BRSK1: variants seen among roughly 807,000 people sequenced by gnomAD.
The protein encoded by BRSK1 is BR serine/threonine kinase 1, also known as serine/threonine-protein kinase BRSK1.
A neutral mutation model predicts 86.2 loss-of-function variants in BRSK1; 17 were observed. The ratio of observed to expected loss-of-function variants is 0.20; its 90% CI spans 0.14 to 0.30. The LOEUF is 0.30. Among genes scored for constraint, BRSK1 ranks in the 10% least tolerant of loss-of-function variants. The pLI is 1.00. For synonymous variants in BRSK1, 464 were observed against 440.1 expected, an observed-to-expected ratio of 1.05 and a Z score of -0.68; for missense variants, 719 against 1,071.9, an observed-to-expected ratio of 0.67 and a Z score of 4.60.
Position 55,306,242 on chromosome 19 carries a change from C to T in BRSK1, c.1891-10C>T, listed in dbSNP as rs751417525. On this transcript the variant is annotated splice_polypyrimidine_tract_variant and intron_variant, in intron 16 of 18. Transcript: ENST00000309383. This position sits in a 1 kb window ranked among gnomAD's most constrained non-coding sequence, Gnocchi z 4.7. ...GGGCTCACCCCTTCCTGTGTTCCTA[C>T]CTCGCTCAGATCCCCAGCCTGAGTC... is the stretch of plus-strand genomic sequence containing the variant. 2.5e-5 allele frequency: 41 copies of T among 1,613,790 alleles called. No individual in the cohort carries two copies. The highest frequency in any genetic ancestry group is 3.5e-5 in the Non-Finnish European group (41 of 1,179,998).
At chr19:55,299,395 G>GT (rs199632774) in intron 7 of BRSK1, among the ~76,000 whole-genome samples, 2,689 of 145,226 alleles carry the variant, frequency 0.019, 53 homozygotes, top group African/African-American at 0.057. Context: ...TTTGTTTTTT[G>GT]TTTTTTTTGA....
chr19:55,308,613 G>A, intron 17 of BRSK1, 26 bp from the exon 18 acceptor site: 1 of 1,600,626 alleles, frequency 6.2e-7, no homozygotes, highest in African/African-American at 1.3e-5. Context: ...CCCAGTCAGT[G>A]TTTTTCTGCC....
At chr19:55,291,161 T>C (rs2088399753) in intron 4 of BRSK1, among the ~76,000 whole-genome samples, 1 of 152,126 alleles carries the variant, frequency 6.6e-6, no homozygotes, top group Non-Finnish European at 1.5e-5. Flanking sequence ...TGAGACAGGG[T>C]CTTGCTATGT....
chr19:55,296,804 T>C (rs189196175), intron 7 of BRSK1, among the ~76,000 whole-genome samples: 5,753 of 151,560 alleles, frequency 0.038, 353 homozygotes, highest in African/African-American at 0.13. Flanking sequence ...GCCGAGATCA[T>C]GCCACTGCAC....
chr19:55,305,698 A>C, intron 16 of BRSK1, 112 bp downstream of exon 16: 1 of 1,504,684 alleles, frequency 6.6e-7, no homozygotes. Flanking sequence ...GGCTCATGGG[A>C]TTTGTAGTTT....
At position 55,284,079 on chromosome 19, in the gene BRSK1, CGCGTGGGGGG is replaced by C; in HGVS notation, c.-360_-351del. The C allele has an allele frequency of 1.7e-6, 1 of 574,350 alleles. No individual in the cohort carries two copies. Among genetic ancestry groups the C allele is most frequent in the Non-Finnish European group, 2.5e-6 (1 of 405,306 alleles). 35.6% of individuals were successfully genotyped at this position (574,350 alleles called of 1,614,324 possible). On this transcript the variant is annotated 5_prime_UTR_variant, in exon 1 of 19. It removes the in-frame stop codon of an upstream open reading frame in the 5' UTR. Transcript: ENST00000309383. Reference sequence around the variant, plus strand: ...GGAGGAGGAGGCGGAGGAGAGAGGGCGCGTGGGGGGGCGGGGGGGACCTCGGCCTGCAGCA... The same window carrying C: ...GGAGGAGGAGGCGGAGGAGAGAGGGCGCGGGGGGGACCTCGGCCTGCAGCA...
At position 55,305,499 on chromosome 19, in the gene BRSK1, C is replaced by G. The variant is rs1327913925; in HGVS notation, c.1803C>G (p.Ser601=). 1 of 1,614,086 alleles carries G rather than the reference C, an allele frequency of 6.2e-7. No individual in the cohort carries two copies. Among genetic ancestry groups the G allele is most frequent in the Non-Finnish European group, 8.5e-7 (1 of 1,180,032 alleles). ...GCTCCTGGTTCGGGAACTTCATCTC[C>G]TTGGACAAAGAAGAACAAATATTCC... The part of the protein sequence containing the change: ...AKRSWFGNFI[S]LDKEEQIFLV... Residue 601 remains serine (S), a synonymous_variant, in exon 16 of 19, where the codon TCC becomes TCG. Coordinates refer to ENST00000309383, the MANE Select transcript of BRSK1 (RefSeq NM_032430.2).
Position 55,284,051 on chromosome 19 carries a change from A to AGAG in BRSK1, c.-381_-379dup. The AGAG allele has an allele frequency of 3.5e-6, 4 of 1,128,688 alleles. No homozygotes were observed. Among genetic ancestry groups the AGAG allele is most frequent in the South Asian group, 8.7e-5 (2 of 23,002 alleles). 69.9% of individuals were successfully genotyped at this position (1,128,688 alleles called of 1,614,324 possible). ...AGGACGAGGTGGCGGGGGGAGGCGGAGAGGAGGAGGAGGCGGAGGAGAGAG... is the reference window on the plus strand; with the variant it reads ...AGGACGAGGTGGCGGGGGGAGGCGGAGAGGAGGAGGAGGAGGCGGAGGAGAGAG... On this transcript the variant is annotated 5_prime_UTR_variant, in exon 1 of 19. Transcript: ENST00000309383.
chr19:55,305,733 G>C, intron 16 of BRSK1, 147 bp downstream of exon 16: 1 of 1,273,742 alleles, frequency 7.9e-7, no homozygotes, highest in Non-Finnish European at 1.1e-6. Context: ...GTTAGAAGTC[G>C]GTAGGCAGGA....
Position 55,305,602 on chromosome 19 carries a change from C to T in BRSK1, c.1890+16C>T, listed in dbSNP as rs543781876. 1.2e-6 allele frequency: 2 copies of T among 1,613,714 alleles called. No homozygotes were observed. The highest frequency in any genetic ancestry group is 1.1e-5 in the South Asian group (1 of 91,052). On this transcript the variant is annotated intron_variant, in intron 16 of 18. Coordinates refer to ENST00000309383, the MANE Select transcript of BRSK1 (RefSeq NM_032430.2). Reference sequence around the variant, plus strand: ...CTTTCTGTCGGTGAGGGGCCTGGGTCCCCATCGAGCCTGGCCCCCGCAGAA... The same window carrying T: ...CTTTCTGTCGGTGAGGGGCCTGGGTTCCCATCGAGCCTGGCCCCCGCAGAA...
chr19:55,309,185 C>G (rs556283939), intron 18 of BRSK1, among the ~76,000 whole-genome samples: 5 of 152,200 alleles, frequency 3.3e-5, no homozygotes, highest in African/African-American at 1.2e-4. Context: ...AAACCCAGGA[C>G]AAATTGGTCA....
chr19:55,305,624 A>G, intron 16 of BRSK1, 38 bp downstream of exon 16: 2 of 1,612,952 alleles, frequency 1.2e-6, no homozygotes, highest in Non-Finnish European at 1.7e-6. Context: ...TGGCCCCCGC[A>G]GAACTACAAG....
chr19:55,302,045 C>T lies in BRSK1; in HGVS notation c.826-92C>T, dbSNP rs2088578788. The T allele has an allele frequency of 3.5e-6, 5 of 1,433,522 alleles. No homozygotes were observed. In the Admixed American group the frequency reaches 5.0e-5, roughly 14 times the overall value. 88.8% of individuals were successfully genotyped at this position (1,433,522 alleles called of 1,614,324 possible). Reference sequence around the variant, plus strand: ...CCGGTGGGGTGGGCGGGGAGATGATCAGGGACCCCAAAACCACCCCAGTCT... The same window carrying T: ...CCGGTGGGGTGGGCGGGGAGATGATTAGGGACCCCAAAACCACCCCAGTCT... On this transcript the variant is annotated intron_variant, in intron 8 of 18. Transcript: ENST00000309383. This position sits in a 1 kb window ranked among gnomAD's most constrained non-coding sequence, Gnocchi z 6.3.
intron 4 of BRSK1, 77 bp from the exon 5 acceptor site, chr19:55,293,940 C>T: frequency 1.6e-6 from 2 of 1,252,972 alleles, no homozygotes; most frequent in Non-Finnish European, 2.2e-6. Flanking sequence ...AGAAGTGTTC[C>T]ACTGTGAGAG....
rs1243277431 is a variant in BRSK1, at chr19:55,303,401, T to C, written c.1119T>C (p.Asn373=). 6.2e-7 allele frequency: 1 copy of C among 1,613,660 alleles called. No homozygotes were observed. Among genetic ancestry groups the C allele is most frequent in the African/African-American group, 1.3e-5 (1 of 74,970 alleles). Residue 373 remains asparagine (N), a synonymous_variant, in exon 11 of 19, where the codon AAT becomes AAC. Coordinates refer to ENST00000309383, the MANE Select transcript of BRSK1 (RefSeq NM_032430.2). This position sits in a 1 kb window ranked among gnomAD's most constrained non-coding sequence, Gnocchi z 5.1. ...SCEDQDLPPR[N]DVDPPRKRVD... is the part of the protein sequence containing the mutation. Reference sequence around the variant, plus strand: ...AGGACCAGGACCTGCCTCCCCGGAATGATGTTGGTGAGAAGGCAGGGCTAG... The same window carrying C: ...AGGACCAGGACCTGCCTCCCCGGAACGATGTTGGTGAGAAGGCAGGGCTAG...
In BRSK1 at chr19:55,312,133, TC is replaced by T; in HGVS notation, c.*66del. ...CCCTTCCGTGCCCCCCAACTGTGAA[TC>T]TGTAAATAAGGCCCAAGGAACATGT... On this transcript the variant is annotated 3_prime_UTR_variant, in exon 19 of 19. Coordinates refer to ENST00000309383, the MANE Select transcript of BRSK1 (RefSeq NM_032430.2). 1.4e-6 allele frequency: 1 copy of T among 695,718 alleles called. No individual in the cohort carries two copies. The highest frequency in any genetic ancestry group is 3.2e-5 in the East Asian group (1 of 31,128). The allele number at this position is 695,718 out of a possible 1,614,324, so 43.1% of individuals were successfully genotyped here. A position where few individuals can be genotyped will look rare whatever the true frequency, so the allele number is the denominator to read the frequency against.
chr19:55,305,210 G>C, intron 14 of BRSK1, 111 bp from the exon 15 acceptor site: 1 of 1,436,122 alleles, frequency 7.0e-7, no homozygotes, highest in Non-Finnish European at 9.6e-7. Context: ...GCTTGGCCGA[G>C]GCTGCAACCC....
At chr19:55,290,706 A>C (rs1166494872) in intron 4 of BRSK1, among the ~76,000 whole-genome samples, 1 of 151,176 alleles carries the variant, frequency 6.6e-6, no homozygotes, top group East Asian at 2.0e-4. Flanking sequence ...CAGTGGCGCG[A>C]TCTCGGCTCA....
intron 7 of BRSK1, among the ~76,000 whole-genome samples, chr19:55,295,904 G>A (rs999927521): frequency 6.6e-6 from 1 of 152,178 alleles, no homozygotes; most frequent in Non-Finnish European, 1.5e-5. Context: ...AGGAGGTTGA[G>A]TTTGCAATGA....
Sources: allele counts gnomAD v4.1 joint callset (sites outside exome capture counted in the v4.1 genomes callset), GRCh38; gene constraint gnomAD v4.1.1; non-coding constraint Gnocchi (gnomAD v3.1); transcripts MANE v1.5; gene names NCBI Gene and HGNC (gene_info 2026-07-23, HGNC 2026-07-21).